The following WDPCP variants were observed in gnomAD, a reference collection of about 807,000 sequenced individuals.
WDPCP encodes WD repeat containing planar cell polarity effector.
In WDPCP, 71 loss-of-function variants were observed where a neutral mutation model predicts 93.1. The observed-to-expected ratio is 0.76, with a 90% confidence interval of 0.63 to 0.93. The LOEUF (loss-of-function observed/expected upper bound fraction) is 0.93. Ranked by LOEUF, WDPCP falls within the 40% of genes least tolerant of loss-of-function variation. WDPCP has a pLI of 0.00. For missense variants in WDPCP, 844 were observed against 887.4 expected, an observed-to-expected ratio of 0.95 and a Z score of 0.62; for synonymous variants, 315 against 315.0, an observed-to-expected ratio of 1.00 and a Z score of 0.00.
At chr2:63,734,416 T>C (rs1558897861) in intron 2 of WDPCP, among the ~76,000 whole-genome samples, 1 of 152,060 alleles carries the variant, frequency 6.6e-6, no homozygotes, top group African/African-American at 2.4e-5. Flanking sequence ...TAATGAGATC[T>C]TGTGACCAGT....
intron 6 of WDPCP, among the ~76,000 whole-genome samples, chr2:63,470,891 G>A (rs1273879927): frequency 6.6e-6 from 1 of 151,932 alleles, no homozygotes; most frequent in Non-Finnish European, 1.5e-5. Flanking sequence ...CAGGGCCTTT[G>A]TACCTGTTGT....
chr2:63,304,416 G>A (rs1685562715), intron 13 of WDPCP, among the ~76,000 whole-genome samples: 1 of 152,190 alleles, frequency 6.6e-6, no homozygotes, highest in African/African-American at 2.4e-5. Context: ...TAGATGGTGG[G>A]TGCAGCCCAC....
chr2:63,452,493 A>G (rs1252801300), intron 6 of WDPCP, among the ~76,000 whole-genome samples: 1 of 152,250 alleles, frequency 6.6e-6, no homozygotes, highest in Non-Finnish European at 1.5e-5. Flanking sequence ...GGAAGAATCA[A>G]TATCGTGAAA....
At position 63,380,807 on chromosome 2, in the gene WDPCP, T is replaced by C. The variant is rs369626833; in HGVS notation, c.1624+1099A>G. Among the ~76,000 whole-genome samples the C allele has an allele frequency of 6.7e-4, 102 of 152,230 alleles. 1 individual carries two copies. Among genetic ancestry groups the C allele is most frequent in the Non-Finnish European group, 2.5e-4 (17 of 68,012 alleles). On this transcript the variant is annotated intron_variant, in intron 11 of 17. Coordinates refer to ENST00000272321, the MANE Select transcript of WDPCP (RefSeq NM_015910.7). ...ACATTTAATTAACATTAAATAAATATGTATTGTGGGCCACGTGTGACTTGG... is the reference window on the plus strand; with the variant it reads ...ACATTTAATTAACATTAAATAAATACGTATTGTGGGCCACGTGTGACTTGG...
chr2:63,594,427 T>C lies in WDPCP; in HGVS notation n.488+56232A>G, dbSNP rs915471037. On this transcript the variant is annotated intron_variant and non_coding_transcript_variant, in intron 3 of 4. Coordinates refer to the WDPCP transcript ENST00000467687. ...GTGGATTTCTTACTATAGATTAAAA[T>C]CCTGGATATTTTTAAGGTACAGTAG... The C allele has an allele frequency of 4.1e-6, 5 of 1,209,030 alleles. No individual in the cohort carries two copies. The African/African-American group carries it at 7.5e-5, about 18-fold the overall frequency. The allele number at this position is 1,209,030 out of a possible 1,614,324, so 74.9% of individuals were successfully genotyped here.
intron 14 of WDPCP, among the ~76,000 whole-genome samples, chr2:63,199,087 G>C (rs1472370913): frequency 6.6e-6 from 1 of 152,174 alleles, no homozygotes; most frequent in African/African-American, 2.4e-5. Flanking sequence ...AGGGTATATG[G>C]TGGAAGGATT....
At chr2:63,227,353 G>T (rs930259869) in intron 14 of WDPCP, among the ~76,000 whole-genome samples, 38 of 151,956 alleles carry the variant, frequency 2.5e-4, no homozygotes, top group Admixed American at 6.6e-5. Flanking sequence ...ACCATGCAAA[G>T]GTGTTACAGT....
intron 14 of WDPCP, among the ~76,000 whole-genome samples, chr2:63,221,631 T>C (rs1238283306): frequency 1.3e-5 from 2 of 152,194 alleles, no homozygotes; most frequent in East Asian, 3.8e-4. Context: ...AAGTAAAGCT[T>C]TGCTGGAGCT....
chr2:63,202,124 C>G (rs986773717), intron 14 of WDPCP, among the ~76,000 whole-genome samples: 2 of 151,552 alleles, frequency 1.3e-5, no homozygotes, highest in Non-Finnish European at 2.9e-5. Flanking sequence ...TTGATATAAA[C>G]ATTAAGTACT....
At chr2:63,624,205 A>C (rs968374684) in intron 3 of WDPCP, among the ~76,000 whole-genome samples, 5 of 152,246 alleles carry the variant, frequency 3.3e-5, no homozygotes, top group African/African-American at 9.6e-5. Context: ...GGAAATTTAT[A>C]GCACTAAATG....
At chr2:63,416,019 A>G (rs182062792) in intron 9 of WDPCP, among the ~76,000 whole-genome samples, 64 of 152,318 alleles carry the variant, frequency 4.2e-4, no homozygotes, top group Non-Finnish European at 5.9e-4. Context: ...AAATAAAGAT[A>G]ATGCTTTGTA....
At chr2:63,747,771 T>C (rs1396025659) in intron 2 of WDPCP, among the ~76,000 whole-genome samples, 1 of 152,108 alleles carries the variant, frequency 6.6e-6, no homozygotes, top group Non-Finnish European at 1.5e-5. Context: ...TTATTCCATA[T>C]ACATTTTAGA....
rs192097381 is a variant in WDPCP at position 63,450,528 on chromosome 2, G to A, written c.385-10657C>T. Among the ~76,000 whole-genome samples the A allele has an allele frequency of 2.6e-5, 4 of 152,136 alleles. No homozygotes were observed. In the East Asian group the frequency reaches 7.7e-4, roughly 29 times the overall value. On this transcript the variant is annotated intron_variant, in intron 6 of 17. Coordinates refer to ENST00000272321, the MANE Select transcript of WDPCP (RefSeq NM_015910.7). ...TAACATTTAAACAAACCATCTGAAGGTCCAGTAACTGACCTGCCTGGTACT... is the reference window on the plus strand; with the variant it reads ...TAACATTTAAACAAACCATCTGAAGATCCAGTAACTGACCTGCCTGGTACT...
At chr2:63,730,444 G>C (rs1294881806) in intron 2 of WDPCP, among the ~76,000 whole-genome samples, 2 of 152,128 alleles carry the variant, frequency 1.3e-5, no homozygotes, top group Non-Finnish European at 2.9e-5. Context: ...AATGACTGAA[G>C]TTCTCTAGTA....
At chr2:63,126,612 C>G (rs1669918004) in intron 17 of WDPCP, among the ~76,000 whole-genome samples, 1 of 149,204 alleles carries the variant, frequency 6.7e-6, no homozygotes, top group Non-Finnish European at 1.5e-5. Context: ...ACAGTTTTAA[C>G]TTGTATAAAA....
chr2:63,150,074 A>G (rs2103795814), intron 17 of WDPCP, among the ~76,000 whole-genome samples: 1 of 152,318 alleles, frequency 6.6e-6, no homozygotes, highest in East Asian at 1.9e-4. Context: ...AGGAATGGTT[A>G]AGACAAAATT....
intron 14 of WDPCP, among the ~76,000 whole-genome samples, chr2:63,234,081 G>T (rs962617744): frequency 6.6e-6 from 1 of 152,148 alleles, no homozygotes; most frequent in African/African-American, 2.4e-5. Flanking sequence ...ACCATAAAAT[G>T]AGATAATGTA....
At chr2:63,659,419 TG>T (rs755265433) in intron 2 of WDPCP, among the ~76,000 whole-genome samples, 6 of 152,204 alleles carry the variant, frequency 3.9e-5, no homozygotes, top group Non-Finnish European at 7.3e-5. Context: ...AAGCTTATCC[TG>T]GATTATCCAG....
At chr2:63,284,116 A>C (rs1261344503) in intron 13 of WDPCP, among the ~76,000 whole-genome samples, 2 of 152,242 alleles carry the variant, frequency 1.3e-5, no homozygotes, top group Non-Finnish European at 2.9e-5. Context: ...GAGCAAAAAC[A>C]GTTTCAATGT....
Sources: gnomAD v4.1 joint callset for allele counts (sites outside exome capture counted in the v4.1 genomes callset) on GRCh38, gnomAD v4.1.1 for gene constraint, MANE v1.5 for transcripts, NCBI Gene and HGNC (gene_info 2026-07-23, HGNC 2026-07-21) for gene names.